The following ARHGAP39 variants were observed in gnomAD, a reference collection of about 807,000 sequenced individuals.
ARHGAP39 encodes the protein rho GTPase-activating protein 39.
In ARHGAP39, 44 loss-of-function variants were observed where a neutral mutation model predicts 106.9. The observed-to-expected ratio is 0.41, with a 90% confidence interval of 0.32 to 0.53. The LOEUF (loss-of-function observed/expected upper bound fraction) is 0.53, where lower values mean the gene tolerates loss of function less well. Ranked by LOEUF, ARHGAP39 falls within the 20% of genes least tolerant of loss-of-function variation. ARHGAP39 has a pLI of 0.21. For synonymous variants in ARHGAP39, 768 were observed against 693.2 expected, an observed-to-expected ratio of 1.11 and a Z score of -1.69; for missense variants, 1,496 against 1,577.3, an observed-to-expected ratio of 0.95 and a Z score of 0.87.
chr8:144,583,068 C>A (rs1016777097), intron 2 of ARHGAP39, among the ~76,000 whole-genome samples: 1 of 152,068 alleles, frequency 6.6e-6, no homozygotes, highest in Non-Finnish European at 1.5e-5. Flanking sequence ...GCAAACCACA[C>A]GCAACAGGGG....
intron 1 of ARHGAP39, among the ~76,000 whole-genome samples, chr8:144,677,554 C>T (rs550831886): frequency 6.6e-5 from 10 of 152,182 alleles, no homozygotes; most frequent in Admixed American, 1.3e-4. Context: ...AATTCCACAG[C>T]ACCTCCATAC....
intron 3 of ARHGAP39, among the ~76,000 whole-genome samples, chr8:144,562,224 TCACCC>T (rs1818207051): frequency 6.7e-6 from 1 of 149,180 alleles, no homozygotes; most frequent in African/African-American, 2.5e-5. Context: ...TCCATTGGAC[TCACCC>T]CAGTGGTTTC....
intron 1 of ARHGAP39, among the ~76,000 whole-genome samples, chr8:144,667,873 A>G (rs535283151): frequency 2.0e-5 from 3 of 152,240 alleles, no homozygotes; most frequent in Non-Finnish European, 2.9e-5. Context: ...TAACAATGCC[A>G]ACAGCAATGA....
intron 1 of ARHGAP39, among the ~76,000 whole-genome samples, chr8:144,655,499 C>G (rs1467913631): frequency 6.6e-6 from 1 of 152,100 alleles, no homozygotes; most frequent in Non-Finnish European, 1.5e-5. Context: ...AGAGGAGCTA[C>G]CCACTCCAGG....
intron 3 of ARHGAP39, among the ~76,000 whole-genome samples, chr8:144,580,171 A>T (rs947410099): frequency 6.6e-6 from 1 of 151,734 alleles, no homozygotes; most frequent in African/African-American, 2.4e-5. Context: ...CTGGGCTCCC[A>T]CCAACACAGG....
At chr8:144,551,202 G>A (rs1817676300) in intron 4 of ARHGAP39, among the ~76,000 whole-genome samples, 1 of 151,882 alleles carries the variant, frequency 6.6e-6, no homozygotes, top group Non-Finnish European at 1.5e-5. Context: ...GTCTAGGGTT[G>A]CTGGGGGAGG....
rs923652039 is a variant in ARHGAP39, at chr8:144,645,299, G to A, written c.-81-39604C>T. Among the ~76,000 whole-genome samples the A allele has an allele frequency of 4.6e-5, 7 of 152,250 alleles. No homozygotes were observed. The highest frequency in any genetic ancestry group is 1.0e-4 in the Non-Finnish European group (7 of 68,046). Reference sequence around the variant, plus strand: ...AAGGCACGAGAAGTCCAGGTGTCAAGGAGAGGTTGGCCATGAGGTCAGATG... The same window carrying A: ...AAGGCACGAGAAGTCCAGGTGTCAAAGAGAGGTTGGCCATGAGGTCAGATG... On this transcript the variant is annotated intron_variant, in intron 1 of 11. Transcript: ENST00000377307. This position sits in a 1 kb window ranked among gnomAD's most constrained non-coding sequence, Gnocchi z 4.4.
chr8:144,542,887 C>G (rs62530447), intron 6 of ARHGAP39, among the ~76,000 whole-genome samples: 151,509 of 151,512 alleles, frequency 1, 75,753 homozygotes, highest in Middle Eastern at 1. Context: ...TGCAGTGAGT[C>G]ATGATTGCAC....
rs534562408 is a variant in ARHGAP39, at chr8:144,620,095, CTG to C, written c.-81-14402_-81-14401del. 7.4e-5 allele frequency among the ~76,000 whole-genome samples: 9 copies of C among 122,272 alleles called. No individual in the cohort carries two copies. The East Asian group carries it at 2.2e-3, about 30-fold the overall frequency. The allele number at this position is 122,272 out of a possible 152,430, so 80.2% of individuals were successfully genotyped here. The stretch of plus-strand genomic sequence containing the variant: ...GTGTGTGCCCGAGTGTGCGTTGAGC[CTG>C]TGTGTCCCTGAGCATGTGTGCCCGT... On this transcript the variant is annotated intron_variant, in intron 1 of 11. Transcript: ENST00000377307.
the ARHGAP39 span, among the ~76,000 whole-genome samples, chr8:144,691,040 G>C: frequency 6.6e-6 from 1 of 152,130 alleles, no homozygotes; most frequent in African/African-American, 2.4e-5. Flanking sequence ...CTGCTGGGAT[G>C]GCACTGGAGA....
In ARHGAP39 at chr8:144,684,868, C is replaced by T. The variant is rs2129781223; in HGVS notation, c.-82+818G>A. ...AGCCCACCCGCAGGCGGCCATGACC[C>T]CACCTGGAGACGCCCATGTCCGCTC... On this transcript the variant is annotated intron_variant, in intron 1 of 11. Transcript: ENST00000377307. This position sits in a 1 kb window ranked among gnomAD's most constrained non-coding sequence, Gnocchi z 4.4. 6.6e-6 allele frequency among the ~76,000 whole-genome samples: 1 copy of T among 152,338 alleles called. No individual in the cohort carries two copies. Among genetic ancestry groups the T allele is most frequent in the Admixed American group, 6.5e-5 (1 of 15,312 alleles).
At chr8:144,668,231 C>A (rs1822012559) in intron 1 of ARHGAP39, among the ~76,000 whole-genome samples, 1 of 152,144 alleles carries the variant, frequency 6.6e-6, no homozygotes, top group Admixed American at 6.5e-5. Context: ...TGCTTGAGCC[C>A]AGGAGTTTGA....
At position 144,558,937 on chromosome 8, in the gene ARHGAP39, C is replaced by T. The variant is rs1395257547; in HGVS notation, c.513-3294G>A. Among the ~76,000 whole-genome samples the T allele has an allele frequency of 1.1e-4, 16 of 151,622 alleles. 1 individual carries two copies. The highest frequency in any genetic ancestry group is 4.2e-4 in the South Asian group (2 of 4,790). ...AAAATACAAAAACTAGGGCCGGGCACGGTAGCTTACACTGTAATCCCAGCA... is the reference window on the plus strand; with the variant it reads ...AAAATACAAAAACTAGGGCCGGGCATGGTAGCTTACACTGTAATCCCAGCA... On this transcript the variant is annotated intron_variant, in intron 3 of 11. Transcript: ENST00000377307.
chr8:144,660,750 C>T (rs1461655792), intron 1 of ARHGAP39, among the ~76,000 whole-genome samples: 1 of 152,130 alleles, frequency 6.6e-6, no homozygotes, highest in Non-Finnish European at 1.5e-5. Flanking sequence ...GAGGCCGAGG[C>T]AGGCAGATCA....
Position 144,587,150 on chromosome 8 carries a change from C to T in ARHGAP39, c.81-5873G>A, listed in dbSNP as rs570911799. Among the ~76,000 whole-genome samples, 15 of 152,338 alleles carry T rather than the reference C, an allele frequency of 9.8e-5. No homozygotes were observed. The South Asian group carries it at 2.3e-3, about 23-fold the overall frequency. On this transcript the variant is annotated intron_variant, in intron 2 of 11. Transcript: ENST00000377307. ...TGTTCCCTGGGTGCCCGCAGCCATG[C>T]GGAACTGTAAGTCAATTAAACCTCT...
At chr8:144,600,748 C>A (rs575183850) in intron 2 of ARHGAP39, among the ~76,000 whole-genome samples, 1 of 146,440 alleles carries the variant, frequency 6.8e-6, no homozygotes, top group African/African-American at 2.6e-5. Context: ...GGCGTGCGTG[C>A]GCACTTGTGT....
At chr8:144,550,872 C>T (rs1018080352) in intron 4 of ARHGAP39, among the ~76,000 whole-genome samples, 1 of 152,178 alleles carries the variant, frequency 6.6e-6, no homozygotes, top group Admixed American at 6.5e-5. Context: ...CTCCGGAGTT[C>T]GGGAGATCGG....
In ARHGAP39 at chr8:144,547,555, C is replaced by T. The variant is rs200954424; in HGVS notation, c.1531G>A (p.Glu511Lys). Residue 511 changes from glutamate (E) to lysine (K), a missense_variant, in exon 5 of 12, where the codon GAG becomes AAG. By Grantham distance (56) the Glu-to-Lys change is moderately conservative (BLOSUM62 1). This residue lies in a region of ARHGAP39 where 905 missense variants were observed against 816.4 expected (regional missense o/e 1.11). Coordinates refer to ENST00000377307, the MANE Select transcript of ARHGAP39 (RefSeq NM_025251.3). This position sits in a 1 kb window ranked among gnomAD's most constrained non-coding sequence, Gnocchi z 5.2. ...LCQATSATPT[E>K]GPGDLLVEQP... ...TCCACAAGCAGGTCCCCGGGGCCCT[C>T]AGTGGGGGTGGCGCTGGTGGCTTGG... The T allele has an allele frequency of 4.1e-5, 60 of 1,473,438 alleles. No individual in the cohort carries two copies. The African/African-American group carries it at 8.1e-4, about 20-fold the overall frequency. The allele number at this position is 1,473,438 out of a possible 1,614,324, so 91.3% of individuals were successfully genotyped here. A position where few individuals can be genotyped will look rare whatever the true frequency, so the allele number is the denominator to read the frequency against.
At chr8:144,655,677 G>A (rs574433789) in intron 1 of ARHGAP39, among the ~76,000 whole-genome samples, 1 of 152,154 alleles carries the variant, frequency 6.6e-6, no homozygotes, top group Non-Finnish European at 1.5e-5. Context: ...CTAACACTCA[G>A]TAAGGCTTCT....
Sources: gnomAD v4.1 joint callset for allele counts (sites outside exome capture counted in the v4.1 genomes callset) on GRCh38, gnomAD v4.1.1 for gene constraint, gnomAD v4.1.1 regional missense constraint, Gnocchi (gnomAD v3.1) non-coding constraint, MANE v1.5 for transcripts, NCBI Gene and HGNC (gene_info 2026-07-23, HGNC 2026-07-21) for gene names.